Variants in DCDC2C observed in about 807,000 individuals in gnomAD.
The protein encoded by DCDC2C is doublecortin domain-containing protein 2C.
In DCDC2C, 44 loss-of-function variants were observed where a neutral mutation model predicts 45.0. The observed-to-expected ratio is 0.98, with a 90% CI of 0.77 to 1.26. DCDC2C has a LOEUF of 1.26. Among genes scored for constraint, DCDC2C ranks in the 50% most tolerant of loss-of-function variants. DCDC2C has a pLI of 0.00. For synonymous variants in DCDC2C, 187 were observed against 178.8 expected (o/e 1.05, Z -0.37); for missense variants, 447 against 468.9 (o/e 0.95, Z 0.43).
intron 2 of DCDC2C, among the ~76,000 whole-genome samples, chr2:3,717,935 A>G (rs1668390692): frequency 6.6e-6 from 1 of 152,196 alleles, no homozygotes; most frequent in Non-Finnish European, 1.5e-5. Context: ...CTCTTCCTCC[A>G]GGAGGCCTCC....
intron 6 of DCDC2C, among the ~76,000 whole-genome samples, chr2:3,760,944 A>G (rs1439531450): frequency 6.6e-6 from 1 of 152,206 alleles, no homozygotes; most frequent in Non-Finnish European, 1.5e-5. Context: ...AGCCTGCATT[A>G]TTCTATTGGT....
chr2:3,730,555 G>A (rs894188048), intron 3 of DCDC2C, among the ~76,000 whole-genome samples: 6 of 152,094 alleles, frequency 3.9e-5, no homozygotes, highest in Admixed American at 1.3e-4. Flanking sequence ...AGAGCCCCCT[G>A]CTTCTAGTGA....
At chr2:3,725,204 C>T (rs539174940) in intron 2 of DCDC2C, among the ~76,000 whole-genome samples, 16 of 152,112 alleles carry the variant, frequency 1.1e-4, no homozygotes, top group African/African-American at 3.4e-4. Context: ...CCGGCGGGGG[C>T]GATGATCGAT....
intron 10 of DCDC2C, among the ~76,000 whole-genome samples, chr2:3,786,988 C>T (rs1189115591): frequency 6.6e-6 from 1 of 152,174 alleles, no homozygotes; most frequent in Admixed American, 6.5e-5. Flanking sequence ...TTTTGTTCCT[C>T]AGCTTGAAAT....
intron 2 of DCDC2C, among the ~76,000 whole-genome samples, chr2:3,722,492 T>C (rs1315337316): frequency 2.0e-5 from 3 of 152,204 alleles, no homozygotes; most frequent in Non-Finnish European, 2.9e-5. Context: ...TAGTTGCTCC[T>C]TGGGGGAGAT....
At chr2:3,834,747 G>A (rs1187245648) in intron 10 of DCDC2C, among the ~76,000 whole-genome samples, 1 of 152,188 alleles carries the variant, frequency 6.6e-6, no homozygotes, top group Non-Finnish European at 1.5e-5. Context: ...TGGGGAGGGA[G>A]CAATCTATAA....
At chr2:3,740,289 T>C (rs1333486928) in intron 3 of DCDC2C, among the ~76,000 whole-genome samples, 1 of 152,244 alleles carries the variant, frequency 6.6e-6, no homozygotes, top group Non-Finnish European at 1.5e-5. Flanking sequence ...TCTTCACCTC[T>C]AAATCTTTGT....
At chr2:3,821,837 ACT>A (rs1671694466) in intron 10 of DCDC2C, among the ~76,000 whole-genome samples, 1 of 152,116 alleles carries the variant, frequency 6.6e-6, no homozygotes, top group South Asian at 2.1e-4. Flanking sequence ...ATTTTATGTA[ACT>A]CTGTAATTCA....
At chr2:3,739,911 G>A (rs903809548) in intron 3 of DCDC2C, among the ~76,000 whole-genome samples, 1 of 152,232 alleles carries the variant, frequency 6.6e-6, no homozygotes. Flanking sequence ...ATACTGCCAT[G>A]GGGTCGGAGC....
At chr2:3,723,941 C>A (rs1452034894) in intron 2 of DCDC2C, among the ~76,000 whole-genome samples, 4 of 151,976 alleles carry the variant, frequency 2.6e-5, no homozygotes, top group Non-Finnish European at 2.9e-5. Context: ...AACAGCCCCC[C>A]TTCCCCCTTC....
At chr2:3,725,531 CGAG>C in intron 2 of DCDC2C, among the ~76,000 whole-genome samples, 1 of 54,568 alleles carries the variant, frequency 1.8e-5, no homozygotes, top group African/African-American at 7.8e-5. Context: ...CAGAGGAAGA[CGAG>C]CAGAGAGGGA....
intron 4 of DCDC2C, 37 bp downstream of exon 4, chr2:3,742,085 G>A (rs779837139): frequency 2.7e-6 from 4 of 1,488,810 alleles, no homozygotes; most frequent in East Asian, 5.0e-5. Context: ...GCCAGGGGGC[G>A]GCAGCTTGTG....
chr2:3,814,204 G>A (rs1353748399), intron 10 of DCDC2C, among the ~76,000 whole-genome samples: 1 of 152,070 alleles, frequency 6.6e-6, no homozygotes, highest in Admixed American at 6.5e-5. Context: ...ATATTTCTTG[G>A]AGGCTTTGTT....
chr2:3,834,736 C>T (rs1369339353), intron 10 of DCDC2C, among the ~76,000 whole-genome samples: 2 of 152,050 alleles, frequency 1.3e-5, no homozygotes, highest in African/African-American at 2.4e-5. Flanking sequence ...GTTGCCGGGG[C>T]TGGGGAGGGA....
At chr2:3,764,362 T>C (rs1454361521) in intron 6 of DCDC2C, among the ~76,000 whole-genome samples, 1 of 152,238 alleles carries the variant, frequency 6.6e-6, no homozygotes, top group East Asian at 1.9e-4. Context: ...TTCCAACTCA[T>C]ATTGTAATTT....
At chr2:3,750,381 C>T (rs1669509531) in intron 4 of DCDC2C, among the ~76,000 whole-genome samples, 2 of 152,168 alleles carry the variant, frequency 1.3e-5, no homozygotes, top group Admixed American at 6.5e-5. Flanking sequence ...CATAGCAACT[C>T]CTGGATTCGC....
At chr2:3,814,961 C>T (rs549116368) in intron 10 of DCDC2C, among the ~76,000 whole-genome samples, 5 of 152,378 alleles carry the variant, frequency 3.3e-5, no homozygotes, top group African/African-American at 4.8e-5. Context: ...GGGAGCATAG[C>T]GTGTTAGGCA....
intron 10 of DCDC2C, among the ~76,000 whole-genome samples, chr2:3,801,201 C>G (rs947742083): frequency 1.3e-5 from 2 of 152,250 alleles, no homozygotes; most frequent in Non-Finnish European, 2.9e-5. Context: ...AGGAGTTCCT[C>G]AAGCTCTTGC....
At chr2:3,824,316 C>T (rs901804339) in intron 10 of DCDC2C, among the ~76,000 whole-genome samples, 5 of 152,206 alleles carry the variant, frequency 3.3e-5, no homozygotes, top group African/African-American at 1.2e-4. Context: ...GTATTTTAGA[C>T]TTCACAGGCT....
Sources: allele counts gnomAD v4.1 joint callset (sites outside exome capture counted in the v4.1 genomes callset), GRCh38; gene constraint gnomAD v4.1.1; transcripts MANE v1.5; gene names NCBI Gene and HGNC (gene_info 2026-07-23, HGNC 2026-07-21).